The following PCDHA12 variants were observed in gnomAD, a reference collection of about 807,000 sequenced individuals.
The protein encoded by PCDHA12 is protocadherin alpha-12.
PCDHA12 carries 44 observed loss-of-function variants against 60.0 expected under a neutral mutation model. The observed-to-expected ratio is 0.73, with a 90% confidence interval of 0.58 to 0.94. The LOEUF (loss-of-function observed/expected upper bound fraction) is 0.94. Among genes scored for constraint, PCDHA12 ranks in the 40% least tolerant of loss-of-function variants. PCDHA12 has a pLI of 0.00. For missense variants in PCDHA12, 1,276 were observed against 1,239.7 expected, an observed-to-expected ratio of 1.03 and a Z score of -0.44; for synonymous variants, 569 against 553.0, an observed-to-expected ratio of 1.03 and a Z score of -0.40.
chr5:140,980,749 G>A (rs1388943582), intron 2 of PCDHA12, among the ~76,000 whole-genome samples: 1 of 151,942 alleles, frequency 6.6e-6, no homozygotes, highest in Non-Finnish European at 1.5e-5. Flanking sequence ...TTTGAGTAGG[G>A]TAAGAAATAA....
At chr5:140,996,087 G>C (rs1178912945) in intron 3 of PCDHA12, among the ~76,000 whole-genome samples, 3 of 152,200 alleles carry the variant, frequency 2.0e-5, no homozygotes, top group Non-Finnish European at 4.4e-5. Flanking sequence ...GTTTTTGCTA[G>C]ATTACATGGA....
chr5:140,943,274 A>AAAAG (rs1349019397), intron 1 of PCDHA12, among the ~76,000 whole-genome samples: 1 of 141,284 alleles, frequency 7.1e-6, no homozygotes, highest in Admixed American at 7.3e-5. Context: ...AAAAAAAAAA[A>AAAAG]AAAGAAAGAA....
At chr5:140,963,685 C>T (rs1272143166) in intron 1 of PCDHA12, among the ~76,000 whole-genome samples, 19 of 152,220 alleles carry the variant, frequency 1.2e-4, no homozygotes, top group Middle Eastern at 3.4e-3. Flanking sequence ...TGTGTTTATC[C>T]GTGTTTGATA....
At chr5:140,968,036 A>T in intron 1 of PCDHA12, 1 of 1,614,160 alleles carries the variant, frequency 6.2e-7, no homozygotes, top group Non-Finnish European at 8.5e-7. Context: ...ACTGGTGGTG[A>T]GCGGCCCACT....
intron 1 of PCDHA12, among the ~76,000 whole-genome samples, chr5:140,912,358 T>G (rs2075885370): frequency 1.4e-5 from 2 of 146,130 alleles, no homozygotes; most frequent in African/African-American, 2.6e-5. Flanking sequence ...TTTTTTTTTT[T>G]GCAGCTGTTG....
chr5:140,986,413 C>G (rs2097199513), intron 3 of PCDHA12, among the ~76,000 whole-genome samples: 1 of 152,156 alleles, frequency 6.6e-6, no homozygotes, highest in African/African-American at 2.4e-5. Context: ...TGTTACAGCT[C>G]TTTTTAACTT....
At position 140,875,346 on chromosome 5, in the gene PCDHA12, T is replaced by C; in HGVS notation, c.-127T>C. 1 of 1,443,436 alleles carries C rather than the reference T, an allele frequency of 6.9e-7. No individual in the cohort carries two copies. The allele number at this position is 1,443,436 out of a possible 1,614,324, so 89.4% of individuals were successfully genotyped here. On this transcript the variant is annotated 5_prime_UTR_variant, in exon 1 of 4. It removes an upstream start codon present in the reference 5' UTR. Transcript: ENST00000398631. ...TCACGGAATAGGATCGACTCCATAA[T>C]GACTGTGATGCTGGAAAAAATTTAC...
intron 3 of PCDHA12, among the ~76,000 whole-genome samples, chr5:141,000,343 C>G (rs1410684542): frequency 1.7e-5 from 2 of 116,202 alleles, no homozygotes; most frequent in Admixed American, 9.0e-5. Context: ...GGCCCTATCT[C>G]TCTCTCTGTC....
chr5:140,939,863 G>C (rs2092478768), intron 1 of PCDHA12, among the ~76,000 whole-genome samples: 1 of 152,064 alleles, frequency 6.6e-6, no homozygotes, highest in Non-Finnish European at 1.5e-5. Flanking sequence ...ATGTCCATTA[G>C]GTCATCTTTG....
intron 3 of PCDHA12, 146 bp downstream of exon 3, chr5:140,982,709 A>G (rs2096998107): frequency 2.2e-6 from 3 of 1,375,182 alleles, no homozygotes; most frequent in Admixed American, 2.9e-5. Flanking sequence ...ATTTCCTTAC[A>G]TATATGATTA....
intron 1 of PCDHA12, among the ~76,000 whole-genome samples, chr5:140,975,369 T>G (rs2096664514): frequency 6.6e-6 from 1 of 152,230 alleles, no homozygotes; most frequent in Admixed American, 6.5e-5. Flanking sequence ...CATAGCATAA[T>G]GTAATCATGG....
chr5:140,900,257 T>G (rs1184928608), intron 1 of PCDHA12, among the ~76,000 whole-genome samples: 3 of 152,108 alleles, frequency 2.0e-5, no homozygotes, highest in Admixed American at 6.6e-5. Context: ...TGAATAGTAC[T>G]CCATTGTGTA....
intron 3 of PCDHA12, among the ~76,000 whole-genome samples, chr5:140,986,707 A>G (rs2097210304): frequency 6.6e-6 from 1 of 152,186 alleles, no homozygotes; most frequent in Admixed American, 6.5e-5. Flanking sequence ...AGCACTGCAG[A>G]AGATAACATT....
rs547096956 is a variant in PCDHA12, at chr5:140,967,167, T to C, written c.2368-11782T>C. 6.2e-6 allele frequency: 10 copies of C among 1,611,120 alleles called. No homozygotes were observed. In the Admixed American group the frequency reaches 8.3e-5, roughly 13 times the overall value. ...CACAACCCCGTGGCGGTGAGCGCCG[T>C]TGAGGTGGAAATATTGGACATCAAC... is the stretch of plus-strand genomic sequence containing the variant. On this transcript the variant is annotated intron_variant, in intron 1 of 3. Transcript: ENST00000398631.
intron 1 of PCDHA12, chr5:140,966,229 A>T (rs1027352378): frequency 1.1e-5 from 3 of 277,852 alleles, no homozygotes; most frequent in African/African-American, 6.6e-5. Context: ...ATCTCCTTAA[A>T]GACCCGTTAA....
chr5:141,002,975 A>G (rs188944079), intron 3 of PCDHA12, among the ~76,000 whole-genome samples: 1 of 152,338 alleles, frequency 6.6e-6, no homozygotes, highest in Admixed American at 6.5e-5. Context: ...TGAAAATAGT[A>G]TCCTTGGTCA....
chr5:140,988,332 A>G (rs2097293198), intron 3 of PCDHA12, among the ~76,000 whole-genome samples: 1 of 152,230 alleles, frequency 6.6e-6, no homozygotes, highest in Non-Finnish European at 1.5e-5. Context: ...ACCCGAGGAA[A>G]GTAAGTCCTT....
Position 141,011,486 on chromosome 5 carries a change from T to C in PCDHA12, c.*1549T>C, listed in dbSNP as rs887081256. ...GAATGTAATTCCATTATATTTCCTT[T>C]TGTACACCTGTGAAAAAGTGGAGTA... is the stretch of plus-strand genomic sequence containing the variant. On this transcript the variant is annotated 3_prime_UTR_variant, in exon 4 of 4. Coordinates refer to ENST00000398631, the MANE Select transcript of PCDHA12 (RefSeq NM_018903.4). 15 of 153,928 alleles carry C rather than the reference T, an allele frequency of 9.7e-5. No homozygotes were observed. Among genetic ancestry groups the C allele is most frequent in the African/African-American group, 2.9e-4 (12 of 41,596 alleles). The allele number at this position is 153,928 out of a possible 1,614,324, so 9.5% of individuals were successfully genotyped here.
chr5:140,971,236 G>A (rs1384010579), intron 1 of PCDHA12, among the ~76,000 whole-genome samples: 2 of 152,088 alleles, frequency 1.3e-5, no homozygotes, highest in East Asian at 3.9e-4. Flanking sequence ...AAAGCTTGGG[G>A]CAATTTGATA....
Sources: allele counts gnomAD v4.1 joint callset (sites outside exome capture counted in the v4.1 genomes callset), GRCh38; gene constraint gnomAD v4.1.1; transcripts MANE v1.5; gene names NCBI Gene and HGNC (gene_info 2026-07-23, HGNC 2026-07-21).